Variants in CDH18 observed in about 807,000 individuals in gnomAD.
CDH18 encodes the protein cadherin-18.
In CDH18, 31 loss-of-function variants were observed where a neutral mutation model predicts 67.9. The ratio of observed to expected loss-of-function variants is 0.46; its 90% CI spans 0.34 to 0.62. CDH18 has a LOEUF of 0.62. Among genes scored for constraint, CDH18 ranks in the 20% least tolerant of loss-of-function variants. CDH18 has a pLI of 0.01. For synonymous variants in CDH18, 362 were observed against 347.2 expected (o/e 1.04, Z -0.48); for missense variants, 890 against 975.5 (o/e 0.91, Z 1.17).
intron 11 of CDH18, among the ~76,000 whole-genome samples, chr5:19,501,820 T>C (rs956457459): frequency 4.6e-5 from 7 of 152,184 alleles, no homozygotes; most frequent in Admixed American, 2.0e-4. Flanking sequence ...TGGAAAAATA[T>C]GATTTTTTCA....
rs115892354 is a variant in CDH18 at position 19,641,491 on chromosome 5, C to T, written c.644-28890G>A. Among the ~76,000 whole-genome samples, 726 of 152,034 alleles carry T rather than the reference C, an allele frequency of 4.8e-3. 3 individuals carry two copies. Among genetic ancestry groups the T allele is most frequent in the African/African-American group, 0.016 (679 of 41,530 alleles). On this transcript the variant is annotated intron_variant, in intron 5 of 12. Coordinates refer to ENST00000382275, the MANE Select transcript of CDH18 (RefSeq NM_004934.5). ...AACAGCACATTAAAAGGGTCATACA[C>T]CATGACCACGTGAGATTTATCAATT...
intron 2 of CDH18, among the ~76,000 whole-genome samples, chr5:19,890,607 T>C (rs1463600512): frequency 1.5e-5 from 2 of 137,006 alleles, no homozygotes; most frequent in African/African-American, 2.5e-5. Context: ...ATTTTTTTTT[T>C]TTTTTGAGAC....
intron 2 of CDH18, among the ~76,000 whole-genome samples, chr5:19,918,409 C>T (rs1792063099): frequency 1.3e-5 from 2 of 152,148 alleles, no homozygotes; most frequent in South Asian, 4.1e-4. Flanking sequence ...ACTTATCATA[C>T]ATAGAACCTT....
chr5:20,034,772 T>C (rs1166979439), intron 2 of CDH18, among the ~76,000 whole-genome samples: 1 of 152,008 alleles, frequency 6.6e-6, no homozygotes, highest in Non-Finnish European at 1.5e-5. Flanking sequence ...ATGAACCAAT[T>C]ACTTACAATA....
intron 2 of CDH18, among the ~76,000 whole-genome samples, chr5:20,027,787 A>T (rs983678388): frequency 6.6e-6 from 1 of 152,246 alleles, no homozygotes; most frequent in African/African-American, 2.4e-5. Flanking sequence ...GTGGTCTTGA[A>T]TAAAAAATCA....
At chr5:19,684,916 T>C (rs987853222) in intron 5 of CDH18, among the ~76,000 whole-genome samples, 1 of 152,116 alleles carries the variant, frequency 6.6e-6, no homozygotes, top group Non-Finnish European at 1.5e-5. Flanking sequence ...CAGGTTGTAA[T>C]ATGGCTGTAA....
At chr5:19,759,842 C>G (rs183174387) in intron 3 of CDH18, among the ~76,000 whole-genome samples, 2 of 152,252 alleles carry the variant, frequency 1.3e-5, no homozygotes, top group East Asian at 3.9e-4. Flanking sequence ...GGGACCTCGC[C>G]TCTCCTTCAC....
At chr5:19,642,115 A>G (rs540574015) in intron 5 of CDH18, among the ~76,000 whole-genome samples, 2 of 152,148 alleles carry the variant, frequency 1.3e-5, no homozygotes, top group East Asian at 3.9e-4. Context: ...AATACTTTGG[A>G]ATAAACTTGA....
At chr5:19,852,686 C>A (rs1312111409) in intron 2 of CDH18, among the ~76,000 whole-genome samples, 1 of 151,952 alleles carries the variant, frequency 6.6e-6, no homozygotes, top group African/African-American at 2.4e-5. Flanking sequence ...GCAAATATTC[C>A]CTTTTTATTT....
rs551668752 is a variant in CDH18, at chr5:20,562,721, G to A, written c.-580+12741C>T. On this transcript the variant is annotated intron_variant, in intron 1 of 14. Transcript: ENST00000507958. ...CTTTTATTGGTAAATTTAAAACAGC[G>A]TTGTGGAATAAAACATTATTGCGTA... 8.2e-4 allele frequency among the ~76,000 whole-genome samples: 125 copies of A among 151,664 alleles called. 2 individuals carry two copies. The highest frequency in any genetic ancestry group is 1.3e-3 in the Non-Finnish European group (87 of 67,780).
chr5:20,400,963 T>A (rs929359989), intron 1 of CDH18, among the ~76,000 whole-genome samples: 9 of 152,208 alleles, frequency 5.9e-5, no homozygotes, highest in African/African-American at 2.2e-4. Context: ...ACACCTTACT[T>A]ATTCTTTACT....
chr5:19,828,422 G>A (rs936203304), intron 3 of CDH18, among the ~76,000 whole-genome samples: 1 of 151,748 alleles, frequency 6.6e-6, no homozygotes, highest in Non-Finnish European at 1.5e-5. Flanking sequence ...AAAAACAACA[G>A]CAACAACAAC....
chr5:19,645,275 C>T lies in CDH18; in HGVS notation c.644-32674G>A, dbSNP rs116720689. ...ACATTTAATAAAAGGTAGTATTTAT[C>T]AGAGAATGAGGGGAAGGAATGAGCC... On this transcript the variant is annotated intron_variant, in intron 5 of 12. Coordinates refer to ENST00000382275, the MANE Select transcript of CDH18 (RefSeq NM_004934.5). Among the ~76,000 whole-genome samples the T allele has an allele frequency of 4.1e-3, 629 of 152,212 alleles. 3 individuals are homozygous for T. The highest frequency in any genetic ancestry group is 0.014 in the African/African-American group (595 of 41,532).
At chr5:19,629,643 A>G (rs976960971) in intron 5 of CDH18, among the ~76,000 whole-genome samples, 15 of 152,196 alleles carry the variant, frequency 9.9e-5, no homozygotes, top group African/African-American at 3.4e-4. Flanking sequence ...AAGACTGGAT[A>G]TTTCGACTGC....
At chr5:19,558,143 G>T (rs560011343) in intron 8 of CDH18, among the ~76,000 whole-genome samples, 1 of 152,106 alleles carries the variant, frequency 6.6e-6, no homozygotes, top group South Asian at 2.1e-4. Context: ...TACAGCAAAA[G>T]TGGTGCCAAG....
intron 1 of CDH18, among the ~76,000 whole-genome samples, chr5:20,387,260 T>C (rs528006440): frequency 4.4e-4 from 67 of 152,208 alleles, no homozygotes; most frequent in Non-Finnish European, 7.3e-4. Context: ...TGGTTTGTAG[T>C]TCTCCTTGAA....
At chr5:19,794,807 G>A (rs1776692789) in intron 3 of CDH18, among the ~76,000 whole-genome samples, 1 of 152,100 alleles carries the variant, frequency 6.6e-6, no homozygotes, top group Non-Finnish European at 1.5e-5. Context: ...TAGACTTCTA[G>A]TTCAGATAAG....
At chr5:19,594,901 C>A (rs1362959206) in intron 6 of CDH18, among the ~76,000 whole-genome samples, 1 of 151,912 alleles carries the variant, frequency 6.6e-6, no homozygotes, top group African/African-American at 2.4e-5. Context: ...CCACTCTTAC[C>A]ACTTCTTTTC....
At chr5:20,303,213 T>C (rs777974902) in intron 1 of CDH18, among the ~76,000 whole-genome samples, 12 of 152,154 alleles carry the variant, frequency 7.9e-5, no homozygotes, top group Non-Finnish European at 1.6e-4. Flanking sequence ...CATCTTCTTT[T>C]TCTAGGATGG....
Sources: allele counts gnomAD v4.1 joint callset (sites outside exome capture counted in the v4.1 genomes callset), GRCh38; gene constraint gnomAD v4.1.1; transcripts MANE v1.5; gene names NCBI Gene and HGNC (gene_info 2026-07-23, HGNC 2026-07-21).